Variants in ZNF562 observed in about 807,000 individuals in gnomAD.
ZNF562 encodes the protein zinc finger protein 562.
A neutral mutation model predicts 17.5 loss-of-function variants in ZNF562; 13 were observed. That is an observed-to-expected ratio of 0.74 (90% CI 0.48 to 1.18). ZNF562 has a LOEUF of 1.18. ZNF562 is among the 50% of genes most tolerant of loss of function. The pLI is 0.00. For missense variants in ZNF562, 481 were observed against 498.5 expected (o/e 0.96, Z 0.33); for synonymous variants, 163 against 165.4 (o/e 0.99, Z 0.11).
intron 1 of ZNF562, among the ~76,000 whole-genome samples, chr19:9,669,577 A>G (rs1274688652): frequency 6.6e-6 from 1 of 152,102 alleles, no homozygotes; most frequent in Middle Eastern, 3.2e-3. Context: ...TTAATCCCAA[A>G]ACTTGAGGCT....
At chr19:9,667,082 C>A (rs12462643) in intron 1 of ZNF562, among the ~76,000 whole-genome samples, 6 of 152,146 alleles carry the variant, frequency 3.9e-5, no homozygotes, top group African/African-American at 1.4e-4. Context: ...CAAAACTACA[C>A]GCCAATATCA....
chr19:9,660,547 G>A (rs540530965), intron 2 of ZNF562, among the ~76,000 whole-genome samples, 173 bp downstream of exon 2: 24 of 151,466 alleles, frequency 1.6e-4, no homozygotes, highest in Admixed American at 7.2e-4. Context: ...TGGAGGTTGC[G>A]GTGAGCTAAG....
At position 9,673,652 on chromosome 19, in the gene ZNF562, C is replaced by G. The variant is rs117997805; in HGVS notation, c.-131+1363G>C. Among the ~76,000 whole-genome samples, 1,558 of 152,146 alleles carry G rather than the reference C, an allele frequency of 0.01. 58 individuals carry two copies. The East Asian group carries it at 0.12, about 11-fold the overall frequency. On this transcript the variant is annotated intron_variant, in intron 1 of 5. Transcript: ENST00000453372. ...TAACAATTAGAAAAAAAATAACCTG[C>G]AAGAAAATAAAAATTAAAAACTAAA...
intron 2 of ZNF562, among the ~76,000 whole-genome samples, chr19:9,660,209 G>A (rs1316975903): frequency 1.3e-5 from 2 of 151,724 alleles, no homozygotes; most frequent in Non-Finnish European, 2.9e-5. Flanking sequence ...GTTTCAGTGA[G>A]CCAAGGTTAC....
chr19:9,669,732 G>GCACACACACACACACA (rs1276865026), intron 1 of ZNF562, among the ~76,000 whole-genome samples: 6 of 76,800 alleles, frequency 7.8e-5, no homozygotes, highest in East Asian at 4.1e-4. Context: ...GCGCGCGCGC[G>GCACACACACACACACA]CGCACACACA....
chr19:9,660,627 G>T, intron 2 of ZNF562, 93 bp downstream of exon 2: 1 of 1,222,656 alleles, frequency 8.2e-7, no homozygotes, highest in Non-Finnish European at 1.1e-6. Flanking sequence ...AAAAAAAGCA[G>T]CATGCCTGTT....
chr19:9,674,317 A>AGGT (rs1396346948), intron 1 of ZNF562, among the ~76,000 whole-genome samples: 3 of 152,210 alleles, frequency 2.0e-5, no homozygotes, highest in African/African-American at 4.8e-5. Flanking sequence ...AGGGTGGAGC[A>AGGT]GGTGATCGAA....
At chr19:9,673,944 C>CA (rs368066808) in intron 1 of ZNF562, among the ~76,000 whole-genome samples, 11 of 150,086 alleles carry the variant, frequency 7.3e-5, no homozygotes, top group East Asian at 5.8e-4. Context: ...TTTCATGCCA[C>CA]AAAAAAAAAG....
intron 2 of ZNF562, 26 bp from the exon 3 acceptor site, chr19:9,659,493 G>A: frequency 6.5e-7 from 1 of 1,548,270 alleles, no homozygotes; most frequent in South Asian, 1.2e-5. Flanking sequence ...GAAGGCATGA[G>A]AAGCCAGAGC....
In ZNF562 at chr19:9,652,845, G is replaced by A; in HGVS notation, c.*104C>T. The A allele has an allele frequency of 9.1e-7, 1 of 1,096,506 alleles. No individual in the cohort carries two copies. The highest frequency in any genetic ancestry group is 1.3e-6 in the Non-Finnish European group (1 of 786,558). The allele number at this position is 1,096,506 out of a possible 1,614,324, so 67.9% of individuals were successfully genotyped here. On this transcript the variant is annotated 3_prime_UTR_variant, in exon 6 of 6. Transcript: ENST00000453372. ...TCATGCATACTTAGGCATGAGGAAA[G>A]AGCAAATGCTTTCCCAAATTCTTTA... is the stretch of plus-strand genomic sequence containing the variant.
At chr19:9,671,643 C>T (rs1165858250) in intron 1 of ZNF562, among the ~76,000 whole-genome samples, 2 of 152,208 alleles carry the variant, frequency 1.3e-5, no homozygotes, top group Non-Finnish European at 2.9e-5. Context: ...GGCTGCAATG[C>T]AAGCTTCCTA....
chr19:9,667,399 C>T (rs1243886815), intron 1 of ZNF562, among the ~76,000 whole-genome samples: 5 of 152,272 alleles, frequency 3.3e-5, no homozygotes, highest in South Asian at 2.1e-4. Flanking sequence ...GACACACCCA[C>T]GTCCAACATC....
At chr19:9,669,728 GCGCGCGCACACA>G (rs1246502411) in intron 1 of ZNF562, among the ~76,000 whole-genome samples, 11 of 84,806 alleles carry the variant, frequency 1.3e-4, no homozygotes, top group African/African-American at 3.7e-4. Context: ...GCGCGCGCGC[GCGCGCGCACACA>G]CACACACACA....
intron 3 of ZNF562, among the ~76,000 whole-genome samples, chr19:9,659,097 C>G (rs531255486): frequency 2.6e-4 from 40 of 152,346 alleles, no homozygotes; most frequent in African/African-American, 9.6e-4. Flanking sequence ...CTTTCATCTG[C>G]TTTATCATCT....
chr19:9,669,065 T>C (rs545408553), intron 1 of ZNF562, among the ~76,000 whole-genome samples: 1 of 152,274 alleles, frequency 6.6e-6, no homozygotes, highest in African/African-American at 2.4e-5. Flanking sequence ...TAAAGATTTC[T>C]TGGGAAGATC....
chr19:9,668,817 A>AGACAGCT (rs2044043797), intron 1 of ZNF562, among the ~76,000 whole-genome samples: 1 of 152,216 alleles, frequency 6.6e-6, no homozygotes. Context: ...ACAAATCTAC[A>AGACAGCT]CATGTACAGA....
At chr19:9,656,438 G>A (rs2144976929) in intron 5 of ZNF562, 109 bp downstream of exon 5, 13 of 1,195,630 alleles carry the variant, frequency 1.1e-5, no homozygotes, top group Non-Finnish European at 1.5e-5. Context: ...GAACCTGGGA[G>A]TTGGAGGTTG....
Position 9,665,490 on chromosome 19 carries a change from A to G in ZNF562, c.-130-4616T>C, listed in dbSNP as rs534807766. Among the ~76,000 whole-genome samples, 25 of 152,278 alleles carry G rather than the reference A, an allele frequency of 1.6e-4. No individual in the cohort carries two copies. The South Asian group carries it at 3.7e-3, about 23-fold the overall frequency. ...GGAAGCATCACAAGAGCCTGAAGGG[A>G]GAAATACCCTGAGGACATCCAGGGA... is the stretch of plus-strand genomic sequence containing the variant. On this transcript the variant is annotated intron_variant, in intron 1 of 5. Coordinates refer to ENST00000453372, the MANE Select transcript of ZNF562 (RefSeq NM_001130031.2).
Position 9,645,805 on chromosome 19 carries a change from A to T in ZNF562, c.*7144T>A, listed in dbSNP as rs1036862374. 1 of 152,238 alleles carries T rather than the reference A, an allele frequency of 6.6e-6. No homozygotes were observed. The highest frequency in any genetic ancestry group is 2.4e-5 in the African/African-American group (1 of 41,462). 9.4% of individuals were successfully genotyped at this position (152,238 alleles called of 1,614,324 possible). A position where few individuals can be genotyped will look rare whatever the true frequency, so the allele number is the denominator to read the frequency against. On this transcript the variant is annotated 3_prime_UTR_variant, in exon 6 of 6. Coordinates refer to ENST00000453372, the MANE Select transcript of ZNF562 (RefSeq NM_001130031.2). ...TTTATTCAAACAGTGTAGTGCACTTAGTTAGAAAGAAAAGGTATTAAGGAA... is the reference window on the plus strand; with the variant it reads ...TTTATTCAAACAGTGTAGTGCACTTTGTTAGAAAGAAAAGGTATTAAGGAA...
Sources: gnomAD v4.1 joint callset for allele counts (sites outside exome capture counted in the v4.1 genomes callset) on GRCh38, gnomAD v4.1.1 for gene constraint, MANE v1.5 for transcripts, NCBI Gene and HGNC (gene_info 2026-07-23, HGNC 2026-07-21) for gene names.